The following CACHD1 variants were observed in gnomAD, a reference collection of about 807,000 sequenced individuals.
CACHD1 encodes cache domain containing 1.
In CACHD1, 71 loss-of-function variants were observed where a neutral mutation model predicts 138.7. The observed-to-expected ratio is 0.51, with a 90% CI of 0.42 to 0.62. The LOEUF (loss-of-function observed/expected upper bound fraction) is 0.62. Ranked by LOEUF, CACHD1 falls within the 20% of genes least tolerant of loss-of-function variation. The pLI is 0.00. For missense variants in CACHD1, 1,389 were observed against 1,625.3 expected (o/e 0.85, Z 2.50); for synonymous variants, 578 against 591.5 (o/e 0.98, Z 0.33).
intron 25 of CACHD1, among the ~76,000 whole-genome samples, chr1:64,681,539 G>GTGTTTTTTTT (rs1557555669): frequency 1.6e-5 from 1 of 63,156 alleles, no homozygotes; most frequent in East Asian, 8.0e-4. Flanking sequence ...AGATTTTATT[G>GTGTTTTTTTT]TGTTTTTTTT....
intron 1 of CACHD1, among the ~76,000 whole-genome samples, chr1:64,529,145 T>G (rs646443): frequency 0.86 from 130,903 of 152,094 alleles, 56,508 homozygotes; most frequent in Admixed American, 0.9. Flanking sequence ...TAAATTCCAT[T>G]AGTTTTTCTT....
At chr1:64,558,651 A>G (rs1255156667) in intron 2 of CACHD1, among the ~76,000 whole-genome samples, 4 of 152,336 alleles carry the variant, frequency 2.6e-5, no homozygotes, top group Admixed American at 1.3e-4. Flanking sequence ...GACAAACGGG[A>G]TCTAATTGAA....
chr1:64,645,494 G>A (rs895088373), intron 8 of CACHD1, among the ~76,000 whole-genome samples: 1 of 151,964 alleles, frequency 6.6e-6, no homozygotes, highest in Non-Finnish European at 1.5e-5. Context: ...ATTTAAAAAA[G>A]AGTTTATTGT....
intron 2 of CACHD1, among the ~76,000 whole-genome samples, chr1:64,566,119 C>T (rs1273668816): frequency 2.6e-5 from 4 of 152,054 alleles, no homozygotes; most frequent in African/African-American, 9.7e-5. Context: ...GTTTTTACCC[C>T]CTTCTCTATT....
At chr1:64,564,145 C>T (rs1570370061) in intron 2 of CACHD1, among the ~76,000 whole-genome samples, 1 of 152,106 alleles carries the variant, frequency 6.6e-6, no homozygotes, top group South Asian at 2.1e-4. Context: ...TGTCTAAAGA[C>T]GGATCCTCCG....
Position 64,647,970 on chromosome 1 carries a change from C to G in CACHD1, c.1326C>G (p.Asn442Lys). 6.2e-7 allele frequency: 1 copy of G among 1,614,100 alleles called. No individual in the cohort carries two copies. The highest frequency in any genetic ancestry group is 8.5e-7 in the Non-Finnish European group (1 of 1,180,008). The part of the protein sequence containing the change: ...LETTVGRFYT[N>K]LPNRMIDEAV... Reference sequence around the variant, plus strand: ...CCACAGTGGGCAGGTTCTACACAAACCTTCCCAACCGGATGATTGATGAAG... The same window carrying G: ...CCACAGTGGGCAGGTTCTACACAAAGCTTCCCAACCGGATGATTGATGAAG... Residue 442 changes from asparagine to lysine, a missense_variant, in exon 9 of 27, where the codon AAC (asparagine) becomes AAG (lysine). Physicochemically the swap from Asn to Lys is moderately conservative, Grantham distance 94. Around this residue, in one of 5 missense-constraint regions of CACHD1, gnomAD observed 1,000 missense variants for 1,114.7 expected, o/e 0.90. Coordinates refer to ENST00000651257, the MANE Select transcript of CACHD1 (RefSeq NM_020925.4).
chr1:64,663,505 C>T (rs555619524), intron 13 of CACHD1, among the ~76,000 whole-genome samples, 190 bp from the exon 14 acceptor site: 191 of 149,726 alleles, frequency 1.3e-3, no homozygotes, highest in African/African-American at 4.4e-3. Flanking sequence ...GATCCGAAGC[C>T]GCGCCACTTC....
chr1:64,497,994 G>C (rs1208011888), intron 1 of CACHD1, among the ~76,000 whole-genome samples: 1 of 152,196 alleles, frequency 6.6e-6, no homozygotes, highest in Non-Finnish European at 1.5e-5. Flanking sequence ...GGGCGTGGTG[G>C]TGCGTGCCTG....
At chr1:64,500,250 T>C (rs1349607892) in intron 1 of CACHD1, among the ~76,000 whole-genome samples, 1 of 152,318 alleles carries the variant, frequency 6.6e-6, no homozygotes, top group African/African-American at 2.4e-5. Flanking sequence ...CTGGAGTCTA[T>C]GGGAGAGCAC....
chr1:64,581,266 A>T (rs1479312915), intron 2 of CACHD1, among the ~76,000 whole-genome samples: 1 of 152,156 alleles, frequency 6.6e-6, no homozygotes, highest in Non-Finnish European at 1.5e-5. Flanking sequence ...ATTGTGTGAG[A>T]CGCATGACCC....
At chr1:64,562,144 T>C (rs1356848105) in intron 2 of CACHD1, among the ~76,000 whole-genome samples, 4 of 152,120 alleles carry the variant, frequency 2.6e-5, no homozygotes, top group African/African-American at 9.7e-5. Context: ...ATGGTTTAAA[T>C]ATTGATTCTG....
intron 1 of CACHD1, among the ~76,000 whole-genome samples, chr1:64,474,087 A>T (rs1377846793): frequency 2.0e-5 from 3 of 152,220 alleles, no homozygotes; most frequent in Admixed American, 6.5e-5. Context: ...AATATATTTT[A>T]AAAAATCTTT....
At chr1:64,520,588 G>C (rs1297990635) in intron 1 of CACHD1, among the ~76,000 whole-genome samples, 1 of 152,210 alleles carries the variant, frequency 6.6e-6, no homozygotes, top group Admixed American at 6.5e-5. Context: ...TTATTGTTAA[G>C]TTAATTAGGC....
intron 3 of CACHD1, among the ~76,000 whole-genome samples, chr1:64,583,382 C>T (rs1408090790): frequency 6.6e-6 from 1 of 152,148 alleles, no homozygotes; most frequent in Non-Finnish European, 1.5e-5. Context: ...GAATTCTACC[C>T]CTAACACTCA....
chr1:64,592,711 T>C (rs933528098), intron 3 of CACHD1, among the ~76,000 whole-genome samples: 11 of 152,152 alleles, frequency 7.2e-5, no homozygotes, highest in Non-Finnish European at 5.9e-5. Flanking sequence ...GCAGTAGTTT[T>C]AAAGCAAGGA....
At chr1:64,522,785 TC>T (rs1431777348) in intron 1 of CACHD1, among the ~76,000 whole-genome samples, 1 of 152,232 alleles carries the variant, frequency 6.6e-6, no homozygotes, top group Admixed American at 6.5e-5. Flanking sequence ...TTTAATAGTT[TC>T]CTCCTAATCA....
At chr1:64,612,106 GC>G (rs1401478302) in intron 4 of CACHD1, among the ~76,000 whole-genome samples, 4 of 152,190 alleles carry the variant, frequency 2.6e-5, no homozygotes, top group African/African-American at 7.2e-5. Flanking sequence ...GGGGGAAACT[GC>G]CCCCATGATC....
chr1:64,527,350 C>T (rs915637006), intron 1 of CACHD1, among the ~76,000 whole-genome samples: 1 of 152,208 alleles, frequency 6.6e-6, no homozygotes, highest in African/African-American at 2.4e-5. Context: ...TGTGAAGCCA[C>T]CACATTCTCT....
At chr1:64,681,666 AT>A (rs899935733) in intron 25 of CACHD1, among the ~76,000 whole-genome samples, 4 of 149,804 alleles carry the variant, frequency 2.7e-5, no homozygotes, top group Non-Finnish European at 4.4e-5. Context: ...TCAGGTATGC[AT>A]TTTTTAAAAA....
Sources: allele counts gnomAD v4.1 joint callset (sites outside exome capture counted in the v4.1 genomes callset), GRCh38; gene constraint gnomAD v4.1.1; regional missense constraint gnomAD v4.1.1; transcripts MANE v1.5; gene names NCBI Gene and HGNC (gene_info 2026-07-23, HGNC 2026-07-21).